NAALADL2: variants seen among roughly 807,000 people sequenced by gnomAD.
NAALADL2 encodes the protein inactive N-acetylated-alpha-linked acidic dipeptidase-like protein 2.
In NAALADL2, 76 loss-of-function variants were observed where a neutral mutation model predicts 87.2. That is an observed-to-expected ratio of 0.87 (90% CI 0.72 to 1.05). The LOEUF (loss-of-function observed/expected upper bound fraction) is 1.05, where lower values mean the gene tolerates loss of function less well. Ranked by LOEUF, NAALADL2 falls within the 50% of genes least tolerant of loss-of-function variation. The pLI is 0.00. For missense variants in NAALADL2, 1,089 were observed against 945.8 expected (o/e 1.15, Z -1.99); for synonymous variants, 354 against 331.0 (o/e 1.07, Z -0.75).
intron 11 of NAALADL2, among the ~76,000 whole-genome samples, chr3:175,683,727 G>T (rs1735914107): frequency 2.0e-5 from 3 of 151,966 alleles, no homozygotes; most frequent in Admixed American, 2.0e-4. Flanking sequence ...TTTAGTTTCT[G>T]ATTCTTTGTT....
intron 3 of NAALADL2, among the ~76,000 whole-genome samples, chr3:174,797,298 CTTTTTTCTTTTTTT>C (rs1718227682): frequency 1.0e-5 from 1 of 97,728 alleles, no homozygotes; most frequent in South Asian, 3.7e-4. Flanking sequence ...TTTTGTTTTT[CTTTTTTCTTTTTTT>C]TTTTTTTTTT....
At chr3:175,479,081 A>G (rs768315000) in intron 9 of NAALADL2, among the ~76,000 whole-genome samples, 5 of 151,882 alleles carry the variant, frequency 3.3e-5, no homozygotes, top group Non-Finnish European at 7.4e-5. Flanking sequence ...TCTCAAAAAT[A>G]AGTACTGGGG....
rs1394799355 is a variant in NAALADL2 at position 175,013,088 on chromosome 3, T to G, written c.44-83702T>G. On this transcript the variant is annotated intron_variant, in intron 1 of 13. Coordinates refer to ENST00000454872, the MANE Select transcript of NAALADL2 (RefSeq NM_207015.3). ...ATATATATAAATATGTAATACATAT[T>G]TATATATAAATATACATATTTATAT... Among the ~76,000 whole-genome samples the G allele has an allele frequency of 1.0e-4, 6 of 59,390 alleles. 1 individual carries two copies. The highest frequency in any genetic ancestry group is 1.5e-4 in the Non-Finnish European group (6 of 40,904). The allele number at this position is 59,390 out of a possible 152,430, so 39.0% of individuals were successfully genotyped here.
chr3:175,676,400 C>G (rs953950772), intron 11 of NAALADL2: 2 of 152,132 alleles, frequency 1.3e-5, no homozygotes, highest in African/African-American at 4.8e-5. Context: ...CAGATTCAGT[C>G]TGACTTACTC....
chr3:175,123,220 G>C lies in NAALADL2; in HGVS notation c.545+25929G>C, dbSNP rs570258904. ...AGGAAGGACAAAATCACTTGGAAAA[G>C]TCCTTAAACCAAGAGAAGACATTAG... On this transcript the variant is annotated intron_variant, in intron 2 of 13. Coordinates refer to ENST00000454872, the MANE Select transcript of NAALADL2 (RefSeq NM_207015.3). Among the ~76,000 whole-genome samples, 10 of 152,002 alleles carry C rather than the reference G, an allele frequency of 6.6e-5. No individual in the cohort carries two copies. In the Middle Eastern group the frequency reaches 0.01, roughly 155 times the overall value.
rs150494330 is a variant in NAALADL2 at position 174,881,395 on chromosome 3, C to G, written c.43+21945C>G. Among the ~76,000 whole-genome samples, 437 of 152,160 alleles carry G rather than the reference C, an allele frequency of 2.9e-3. 9 individuals are homozygous for G. The highest frequency in any genetic ancestry group is 0.022 in the Admixed American group (336 of 15,254). On this transcript the variant is annotated intron_variant, in intron 1 of 13. Coordinates refer to ENST00000454872, the MANE Select transcript of NAALADL2 (RefSeq NM_207015.3). ...TATATGGTACACAAAACATATTACA[C>G]AATAGCCTCAATAGGGCTTGGGGCA...
At chr3:175,216,229 C>A (rs1025014718) in intron 2 of NAALADL2, among the ~76,000 whole-genome samples, 1 of 152,116 alleles carries the variant, frequency 6.6e-6, no homozygotes, top group African/African-American at 2.4e-5. Flanking sequence ...ATTCCCCCTT[C>A]CCCTTGCCTC....
chr3:175,671,972 C>A (rs992776311), intron 11 of NAALADL2, among the ~76,000 whole-genome samples: 3 of 152,034 alleles, frequency 2.0e-5, no homozygotes, highest in African/African-American at 7.2e-5. Flanking sequence ...GTATTAATTT[C>A]TAAGGCAATA....
At chr3:175,361,530 T>C (rs1182638210) in intron 5 of NAALADL2, among the ~76,000 whole-genome samples, 1 of 148,268 alleles carries the variant, frequency 6.7e-6, no homozygotes, top group Non-Finnish European at 1.5e-5. Context: ...CAGCACCTGT[T>C]GTTTCCTGAC....
intron 5 of NAALADL2, among the ~76,000 whole-genome samples, chr3:175,429,775 A>C (rs1717448139): frequency 6.6e-6 from 1 of 152,034 alleles, no homozygotes; most frequent in South Asian, 2.1e-4. Flanking sequence ...AAAGAATAAT[A>C]AAAGAATAAC....
chr3:175,725,147 T>A (rs1313681561), intron 11 of NAALADL2, among the ~76,000 whole-genome samples: 1 of 152,126 alleles, frequency 6.6e-6, no homozygotes, highest in African/African-American at 2.4e-5. Context: ...TTTCTCTTTC[T>A]AGCTCTTTAT....
intron 1 of NAALADL2, among the ~76,000 whole-genome samples, chr3:174,907,705 CA>C (rs1163162852): frequency 3.3e-5 from 5 of 152,038 alleles, no homozygotes; most frequent in Non-Finnish European, 7.4e-5. Flanking sequence ...AAAAGCAAAA[CA>C]TTGGTGGTGT....
At position 175,765,774 on chromosome 3, in the gene NAALADL2, G is replaced by A. The variant is rs138695971; in HGVS notation, c.2189+10356G>A. ...AACAACAATACTTTCCATAGAGGAT[G>A]ATTTATGTATGCCAGGCACTGTGCT... is the stretch of plus-strand genomic sequence containing the variant. On this transcript the variant is annotated intron_variant, in intron 13 of 13. Transcript: ENST00000454872. Among the ~76,000 whole-genome samples the A allele has an allele frequency of 1.4e-4, 22 of 152,212 alleles. No homozygotes were observed. The East Asian group carries it at 4.2e-3, about 29-fold the overall frequency.
At chr3:175,598,520 G>A (rs1722540358) in intron 10 of NAALADL2, among the ~76,000 whole-genome samples, 1 of 151,912 alleles carries the variant, frequency 6.6e-6, no homozygotes, top group South Asian at 2.1e-4. Context: ...AATAACCAGA[G>A]CTCTGCTATT....
intron 4 of NAALADL2, chr3:175,257,211 AAATT>A (rs1750124197): frequency 8.7e-6 from 1 of 114,540 alleles, no homozygotes; most frequent in Non-Finnish European, 1.9e-5. Context: ...AAAAAAAAAA[AAATT>A]AGTGTAGTTA....
intron 3 of NAALADL2, among the ~76,000 whole-genome samples, chr3:174,829,261 C>T (rs1722345625): frequency 1.3e-5 from 2 of 151,036 alleles, no homozygotes; most frequent in South Asian, 2.1e-4. Flanking sequence ...GCTATCCCTC[C>T]CCCATCCCCC....
intron 1 of NAALADL2, among the ~76,000 whole-genome samples, chr3:174,993,537 C>A (rs555990951): frequency 1.3e-5 from 2 of 152,134 alleles, no homozygotes; most frequent in South Asian, 4.2e-4. Flanking sequence ...GGGAATTGCC[C>A]AAGTCATGGA....
At chr3:174,977,870 G>A (rs1354102539) in intron 1 of NAALADL2, among the ~76,000 whole-genome samples, 2 of 152,152 alleles carry the variant, frequency 1.3e-5, no homozygotes, top group African/African-American at 4.8e-5. Context: ...GGGGACTGGG[G>A]CCAAAATTCA....
intron 11 of NAALADL2, among the ~76,000 whole-genome samples, chr3:175,643,269 T>C (rs1242873571): frequency 6.6e-6 from 1 of 152,222 alleles, no homozygotes; most frequent in African/African-American, 2.4e-5. Flanking sequence ...TTACCTATTG[T>C]TCTACTGTTG....
Sources: gnomAD v4.1 joint callset for allele counts (sites outside exome capture counted in the v4.1 genomes callset) on GRCh38, gnomAD v4.1.1 for gene constraint, MANE v1.5 for transcripts, NCBI Gene and HGNC (gene_info 2026-07-23, HGNC 2026-07-21) for gene names.